MEI4: variants seen among roughly 807,000 people sequenced by gnomAD.
MEI4 encodes meiotic double-stranded break formation protein 4.
In MEI4, 27 loss-of-function variants were observed where a neutral mutation model predicts 31.4. The observed-to-expected ratio is 0.86, with a 90% CI of 0.63 to 1.19. The LOEUF (loss-of-function observed/expected upper bound fraction) is 1.19. Among genes scored for constraint, MEI4 ranks in the 50% most tolerant of loss-of-function variants. The probability of loss-of-function intolerance (pLI) is 0.00; values close to 1 mark genes in which losing one functional copy is unlikely to be tolerated. For synonymous variants in MEI4, 122 were observed against 145.4 expected (o/e 0.84, Z 1.16); for missense variants, 329 against 398.9 (o/e 0.82, Z 1.49).
At chr6:77,750,243 G>C (rs1288220247) in intron 2 of MEI4, among the ~76,000 whole-genome samples, 1 of 152,104 alleles carries the variant, frequency 6.6e-6, no homozygotes, top group Non-Finnish European at 1.5e-5. Flanking sequence ...TAGCATCATA[G>C]TGGCAGGATC....
chr6:77,674,315 C>A (rs573923389), intron 1 of MEI4, among the ~76,000 whole-genome samples: 1 of 152,256 alleles, frequency 6.6e-6, no homozygotes, highest in South Asian at 2.1e-4. Flanking sequence ...CAACAAAATG[C>A]AGTCATGTAC....
intron 4 of MEI4, among the ~76,000 whole-genome samples, chr6:77,874,121 GT>G (rs1199854808): frequency 6.6e-6 from 1 of 152,148 alleles, no homozygotes; most frequent in Admixed American, 6.6e-5. Flanking sequence ...CTTTAAAGTA[GT>G]TTTTTCCAAT....
intron 1 of MEI4, among the ~76,000 whole-genome samples, chr6:77,671,349 G>A (rs1222779768): frequency 6.6e-6 from 1 of 151,936 alleles, no homozygotes; most frequent in Non-Finnish European, 1.5e-5. Flanking sequence ...CATGAGCCAC[G>A]GCACCCAGCC....
intron 2 of MEI4, among the ~76,000 whole-genome samples, chr6:77,733,029 C>T (rs1443504530): frequency 6.6e-6 from 1 of 151,758 alleles, no homozygotes; most frequent in East Asian, 2.0e-4. Context: ...TTCGTTTTGC[C>T]AGTATTTTAT....
In MEI4 at chr6:77,914,470, T is replaced by C. The variant is rs181054789; in HGVS notation, c.901-8619T>C. ...GTCACAGAAGATACTTAATACTAAT[T>C]TTTTTTTAGATTTTTAAGACTTTTG... On this transcript the variant is annotated intron_variant, in intron 4 of 4. Coordinates refer to ENST00000684080, the MANE Select transcript of MEI4 (RefSeq NM_001322247.2). Among the ~76,000 whole-genome samples the C allele has an allele frequency of 3.3e-3, 411 of 125,944 alleles. 1 individual carries two copies. The highest frequency in any genetic ancestry group is 4.5e-3 in the Non-Finnish European group (242 of 53,454). The allele number at this position is 125,944 out of a possible 152,430, so 82.6% of individuals were successfully genotyped here.
At position 77,789,282 on chromosome 6, in the gene MEI4, G is replaced by C. The variant is rs530011254; in HGVS notation, c.768+27617G>C. Among the ~76,000 whole-genome samples the C allele has an allele frequency of 2.0e-5, 3 of 152,200 alleles. No homozygotes were observed. In the South Asian group the frequency reaches 6.2e-4, roughly 32 times the overall value. On this transcript the variant is annotated intron_variant, in intron 3 of 4. Coordinates refer to ENST00000684080, the MANE Select transcript of MEI4 (RefSeq NM_001322247.2). ...AGATGGATTAAAGACTTAAACATTA[G>C]ACCTAAAACCATAAAAACCCTAGAA...
chr6:77,872,556 T>G (rs573270137), intron 4 of MEI4, among the ~76,000 whole-genome samples: 70 of 152,064 alleles, frequency 4.6e-4, no homozygotes, highest in Middle Eastern at 3.4e-3. Context: ...GGCAGGCAGT[T>G]TATTTTTTTA....
chr6:77,730,897 G>T (rs867111774), intron 2 of MEI4, among the ~76,000 whole-genome samples: 1 of 150,970 alleles, frequency 6.6e-6, no homozygotes, highest in Non-Finnish European at 1.5e-5. Flanking sequence ...TTGTTCTTAC[G>T]ATAGTTTACT....
At chr6:77,765,621 C>G (rs2127684269) in intron 3 of MEI4, among the ~76,000 whole-genome samples, 1 of 144,848 alleles carries the variant, frequency 6.9e-6, no homozygotes, top group Non-Finnish European at 1.5e-5. Context: ...TTGTGGAAGA[C>G]AGTGTGGCAA....
chr6:77,840,725 A>C (rs1770337158), intron 4 of MEI4, among the ~76,000 whole-genome samples: 1 of 152,150 alleles, frequency 6.6e-6, no homozygotes, highest in South Asian at 2.1e-4. Context: ...CCCATTACCA[A>C]AAAAATGAAC....
chr6:77,859,286 G>A (rs182972606), intron 4 of MEI4, among the ~76,000 whole-genome samples: 83 of 152,210 alleles, frequency 5.5e-4, no homozygotes, highest in African/African-American at 1.9e-3. Flanking sequence ...ATTTGGGTTG[G>A]TTCTATATCT....
At chr6:77,706,573 G>C (rs1337119385) in intron 2 of MEI4, among the ~76,000 whole-genome samples, 1 of 152,052 alleles carries the variant, frequency 6.6e-6, no homozygotes, top group African/African-American at 2.4e-5. Context: ...TGTTGATATG[G>C]TTTAGATGTT....
At chr6:77,735,979 C>T (rs1233116724) in intron 2 of MEI4, among the ~76,000 whole-genome samples, 6 of 152,166 alleles carry the variant, frequency 3.9e-5, no homozygotes, top group East Asian at 3.9e-4. Flanking sequence ...CTTGAGGAGG[C>T]AGTCTGCCCG....
chr6:77,894,833 G>C (rs528020295), intron 4 of MEI4, among the ~76,000 whole-genome samples: 64 of 152,246 alleles, frequency 4.2e-4, no homozygotes, highest in Admixed American at 3.3e-4. Context: ...GCCTGGCTGG[G>C]CAGTCACTGA....
intron 4 of MEI4, among the ~76,000 whole-genome samples, chr6:77,833,838 A>G (rs1036217938): frequency 2.0e-5 from 3 of 152,054 alleles, no homozygotes; most frequent in African/African-American, 4.8e-5. Flanking sequence ...CCCTGGGTCC[A>G]TGTGTTCTCA....
chr6:77,844,091 T>C (rs1006366042), intron 4 of MEI4, among the ~76,000 whole-genome samples: 3 of 152,078 alleles, frequency 2.0e-5, no homozygotes, highest in South Asian at 2.1e-4. Context: ...TGAGTAGTCT[T>C]CAAACAGATC....
intron 2 of MEI4, among the ~76,000 whole-genome samples, chr6:77,738,422 CTTTT>C (rs1323546635): frequency 6.6e-6 from 1 of 152,230 alleles, no homozygotes; most frequent in East Asian, 1.9e-4. Flanking sequence ...GCTCTTCTCT[CTTTT>C]CTTTCTTTAT....
chr6:77,672,815 G>A (rs1768771265), intron 1 of MEI4, among the ~76,000 whole-genome samples: 1 of 152,226 alleles, frequency 6.6e-6, no homozygotes, highest in Admixed American at 6.5e-5. Flanking sequence ...TGGGATTACA[G>A]GCGTGAGCCA....
chr6:77,759,141 T>C (rs1191957015), intron 2 of MEI4, among the ~76,000 whole-genome samples: 3 of 152,184 alleles, frequency 2.0e-5, no homozygotes, highest in African/African-American at 4.8e-5. Flanking sequence ...TTTTGGTGGA[T>C]TTTTTTGCTT....
Sources: gnomAD v4.1 joint callset for allele counts (sites outside exome capture counted in the v4.1 genomes callset) on GRCh38, gnomAD v4.1.1 for gene constraint, MANE v1.5 for transcripts, NCBI Gene and HGNC (gene_info 2026-07-23, HGNC 2026-07-21) for gene names.